The following TRPM6 variants were observed in gnomAD, a reference collection of about 807,000 sequenced individuals.
TRPM6 encodes transient receptor potential cation channel subfamily M member 6.
Under a neutral mutation model 247.6 loss-of-function variants are expected in TRPM6, and 111 were observed. The observed-to-expected ratio is 0.45, with a 90% confidence interval of 0.38 to 0.52. The LOEUF (loss-of-function observed/expected upper bound fraction) is 0.52, where lower values mean the gene tolerates loss of function less well. Among genes scored for constraint, TRPM6 ranks in the 20% least tolerant of loss-of-function variants. The pLI is 0.00. For missense variants in TRPM6, 2,126 were observed against 2,421.5 expected, an observed-to-expected ratio of 0.88 and a Z score of 2.56; for synonymous variants, 892 against 853.8, an observed-to-expected ratio of 1.04 and a Z score of -0.78.
chr9:74,882,056 T>A (rs1051280743), intron 1 of TRPM6, among the ~76,000 whole-genome samples: 2 of 152,154 alleles, frequency 1.3e-5, no homozygotes, highest in African/African-American at 4.8e-5. Flanking sequence ...CAACTCAAGA[T>A]GCATTAAAGA....
chr9:74,728,671 G>A (rs925137855), intron 37 of TRPM6, among the ~76,000 whole-genome samples: 3 of 152,196 alleles, frequency 2.0e-5, no homozygotes, highest in Non-Finnish European at 2.9e-5. Flanking sequence ...TGGGGTGAAA[G>A]AGTGACATTC....
chr9:74,863,147 A>G (rs1053127685), intron 1 of TRPM6, among the ~76,000 whole-genome samples: 1 of 151,442 alleles, frequency 6.6e-6, no homozygotes, highest in Admixed American at 6.6e-5. Context: ...CCCAGGTTCA[A>G]GTGATTCTCC....
At chr9:74,883,141 C>T (rs758181866) in intron 1 of TRPM6, among the ~76,000 whole-genome samples, 22 of 152,152 alleles carry the variant, frequency 1.4e-4, no homozygotes, top group Non-Finnish European at 2.8e-4. Flanking sequence ...GTTTATTTTA[C>T]TTAGCATTAT....
chr9:74,740,850 C>G (rs577546052), intron 33 of TRPM6, among the ~76,000 whole-genome samples: 50 of 152,130 alleles, frequency 3.3e-4, no homozygotes, highest in African/African-American at 1.2e-3. Flanking sequence ...TAGATCTGTG[C>G]TTTATATCAT....
intron 7 of TRPM6, among the ~76,000 whole-genome samples, chr9:74,826,533 C>T (rs1829334551): frequency 6.6e-6 from 1 of 152,024 alleles, no homozygotes; most frequent in Non-Finnish European, 1.5e-5. Context: ...CAAAAGTCTA[C>T]AGTTTTCCAG....
At chr9:74,820,204 T>G (rs1333901241) in intron 9 of TRPM6, 100 bp downstream of exon 9, 2 of 1,369,986 alleles carry the variant, frequency 1.5e-6, no homozygotes, top group Non-Finnish European at 2.0e-6. Flanking sequence ...TTCCCCTTCC[T>G]GTGTCCACCA....
At chr9:74,766,365 T>C (rs1826824564) in intron 25 of TRPM6, among the ~76,000 whole-genome samples, 2 of 152,236 alleles carry the variant, frequency 1.3e-5, no homozygotes, top group African/African-American at 2.4e-5. Flanking sequence ...AAATTTATAA[T>C]TTTAGTTTCC....
At position 74,750,732 on chromosome 9, in the gene TRPM6, AG is replaced by A. The variant is rs1425535563; in HGVS notation, c.4999-11del. Reference sequence around the variant, plus strand: ...AGTTTTTGCTGAGATCCTGAGCAGAAGGGAAAGGCCGTTACGTGTGTGCTCA... The same window carrying A: ...AGTTTTTGCTGAGATCCTGAGCAGAAGGAAAGGCCGTTACGTGTGTGCTCA... On this transcript the variant is annotated splice_polypyrimidine_tract_variant and intron_variant, in intron 29 of 38. Transcript: ENST00000360774. 6.2e-7 allele frequency: 1 copy of A among 1,613,848 alleles called. No homozygotes were observed. Among genetic ancestry groups the A allele is most frequent in the South Asian group, 1.1e-5 (1 of 91,078 alleles).
At chr9:74,766,724 G>A (rs1004594218) in intron 25 of TRPM6, among the ~76,000 whole-genome samples, 4 of 151,534 alleles carry the variant, frequency 2.6e-5, no homozygotes, top group Non-Finnish European at 2.9e-5. Flanking sequence ...CAGCAGGGCC[G>A]ATATGGTGAA....
chr9:74,830,759 T>G (rs1440263376), intron 6 of TRPM6, among the ~76,000 whole-genome samples: 22 of 138,754 alleles, frequency 1.6e-4, no homozygotes, highest in East Asian at 4.1e-4. Flanking sequence ...GTTTTTTTTT[T>G]TTTTTTTTTT....
chr9:74,728,122 C>T (rs2118678205), intron 38 of TRPM6, 117 bp downstream of exon 38: 18 of 847,390 alleles, frequency 2.1e-5, no homozygotes, highest in South Asian at 1.8e-4. Flanking sequence ...TCAGGCTCTG[C>T]GAATGACGGT....
chr9:74,816,214 A>G (rs1176053152), intron 11 of TRPM6, among the ~76,000 whole-genome samples: 4 of 152,020 alleles, frequency 2.6e-5, no homozygotes, highest in Admixed American at 2.0e-4. Context: ...ACAATTTCCA[A>G]AGAAATTAGT....
chr9:74,797,947 T>C (rs1461817696), intron 17 of TRPM6, among the ~76,000 whole-genome samples: 1 of 152,192 alleles, frequency 6.6e-6, no homozygotes, highest in African/African-American at 2.4e-5. Context: ...CCCACACGTA[T>C]CTTTTCTCTA....
chr9:74,857,808 GA>G (rs1284535382), intron 2 of TRPM6: 4 of 152,180 alleles, frequency 2.6e-5, no homozygotes, highest in Non-Finnish European at 5.9e-5. Flanking sequence ...AAACGGAACT[GA>G]AATTACCTGT....
At chr9:74,822,575 G>A (rs1008097852) in intron 7 of TRPM6, among the ~76,000 whole-genome samples, 2 of 151,874 alleles carry the variant, frequency 1.3e-5, no homozygotes, top group Non-Finnish European at 1.5e-5. Context: ...TTTAATGGTG[G>A]TTATTTCTAG....
intron 36 of TRPM6, among the ~76,000 whole-genome samples, chr9:74,736,957 T>A (rs1825717179): frequency 6.6e-6 from 1 of 151,272 alleles, no homozygotes; most frequent in African/African-American, 2.4e-5. Context: ...TCTTTCGTTG[T>A]TTTTTTTTGT....
chr9:74,867,941 T>C (rs965243423), intron 1 of TRPM6, among the ~76,000 whole-genome samples: 2 of 150,690 alleles, frequency 1.3e-5, no homozygotes, highest in African/African-American at 4.9e-5. Flanking sequence ...TCACGTGAGG[T>C]CAGGAGTTCC....
chr9:74,830,392 G>A (rs1829502327), intron 6 of TRPM6, among the ~76,000 whole-genome samples: 1 of 151,496 alleles, frequency 6.6e-6, no homozygotes, highest in Admixed American at 6.6e-5. Flanking sequence ...TTGTTTGTTT[G>A]TTTGTTTTGT....
chr9:74,789,356 A>G (rs1827811960), intron 19 of TRPM6, among the ~76,000 whole-genome samples: 1 of 152,200 alleles, frequency 6.6e-6, no homozygotes, highest in Admixed American at 6.5e-5. Flanking sequence ...ATGTTTGTCT[A>G]ATTACTGTGT....
Sources: allele counts gnomAD v4.1 joint callset (sites outside exome capture counted in the v4.1 genomes callset), GRCh38; gene constraint gnomAD v4.1.1; transcripts MANE v1.5; gene names NCBI Gene and HGNC (gene_info 2026-07-23, HGNC 2026-07-21).